Variants in GRIA4 observed in about 807,000 individuals in gnomAD.
GRIA4 encodes glutamate ionotropic receptor AMPA type subunit 4, also known as glutamate receptor 4.
In GRIA4, 34 loss-of-function variants were observed where a neutral mutation model predicts 104.0. The ratio of observed to expected loss-of-function variants is 0.33; its 90% CI spans 0.25 to 0.44. The LOEUF (loss-of-function observed/expected upper bound fraction) is 0.44. Ranked by LOEUF, GRIA4 falls within the 20% of genes least tolerant of loss-of-function variation. The pLI is 1.00. For synonymous variants in GRIA4, 386 were observed against 381.9 expected (o/e 1.01, Z -0.13); for missense variants, 750 against 1,096.5 (o/e 0.68, Z 4.46).
chr11:105,974,762 G>A (rs1474142738), intron 16 of GRIA4: 3 of 488,774 alleles, frequency 6.1e-6, no homozygotes, highest in Non-Finnish European at 1.1e-5. Flanking sequence ...CATTGCAAGG[G>A]TCAGAAAGAT....
Position 105,979,933 on chromosome 11 carries a change from G to T in GRIA4, c.*194G>T. On this transcript the variant is annotated 3_prime_UTR_variant, in exon 17 of 17. Coordinates refer to ENST00000282499, the MANE Select transcript of GRIA4 (RefSeq NM_000829.4). ...AGCTCAGCTCGGAAACCCAAACTCAGATTTTATATCAGGAAAACTCACAAT... is the reference window on the plus strand; with the variant it reads ...AGCTCAGCTCGGAAACCCAAACTCATATTTTATATCAGGAAAACTCACAAT... 120 of 379,952 alleles carry T rather than the reference G, an allele frequency of 3.2e-4. No homozygotes were observed. Among genetic ancestry groups the T allele is most frequent in the Non-Finnish European group, 4.3e-4 (88 of 202,934 alleles). 23.5% of individuals were successfully genotyped at this position (379,952 alleles called of 1,614,324 possible).
chr11:105,727,127 T>C (rs1938261838), intron 3 of GRIA4, among the ~76,000 whole-genome samples: 1 of 151,860 alleles, frequency 6.6e-6, no homozygotes, highest in Admixed American at 6.6e-5. Context: ...GGAAGGAAGC[T>C]AAGAACTTGG....
At position 105,907,436 on chromosome 11, in the gene GRIA4, T is replaced by G. The variant is rs561355844; in HGVS notation, c.1158+2135T>G. ...GAAACTAGGCAATGTGTCTGAGAAG[T>G]GAGCAATCATTCTTGTAAATTGAAC... On this transcript the variant is annotated intron_variant, in intron 9 of 16. Coordinates refer to ENST00000282499, the MANE Select transcript of GRIA4 (RefSeq NM_000829.4). Among the ~76,000 whole-genome samples the G allele has an allele frequency of 2.0e-5, 3 of 152,310 alleles. No homozygotes were observed. In the East Asian group the frequency reaches 5.8e-4, roughly 29 times the overall value.
At chr11:105,769,544 C>T (rs956314911) in intron 4 of GRIA4, among the ~76,000 whole-genome samples, 20 of 151,968 alleles carry the variant, frequency 1.3e-4, no homozygotes, top group African/African-American at 4.8e-4. Context: ...GTTTGGGACA[C>T]TTGAGAACAG....
chr11:105,910,354 A>G (rs558478773), intron 9 of GRIA4, 81 bp from the exon 10 acceptor site: 1 of 710,096 alleles, frequency 1.4e-6, no homozygotes, highest in African/African-American at 1.8e-5. Flanking sequence ...TTGCTTACCT[A>G]TTCATACCCT....
At chr11:105,949,389 G>A (rs1948407213) in intron 14 of GRIA4, among the ~76,000 whole-genome samples, 1 of 152,108 alleles carries the variant, frequency 6.6e-6, no homozygotes, top group African/African-American at 2.4e-5. Flanking sequence ...TTAATTCACT[G>A]TTATATCACT....
chr11:105,832,342 C>T (rs1944006933), intron 4 of GRIA4, among the ~76,000 whole-genome samples: 1 of 151,554 alleles, frequency 6.6e-6, no homozygotes, highest in Admixed American at 6.6e-5. Context: ...GAGGGTCTCC[C>T]AGAGACAAGG....
rs5794415 is a variant in GRIA4, at chr11:105,644,437, C to CAA, written c.247+32019_247+32020dup. Among the ~76,000 whole-genome samples, 529 of 123,886 alleles carry CAA rather than the reference C, an allele frequency of 4.3e-3. 2 individuals carry two copies. The highest frequency in any genetic ancestry group is 0.012 in the African/African-American group (392 of 33,478). 81.3% of individuals were successfully genotyped at this position (123,886 alleles called of 152,430 possible). A position where few individuals can be genotyped will look rare whatever the true frequency, so the allele number is the denominator to read the frequency against. ...TGAAACCCTGTCTCTACTAAAGATA[C>CAA]AAAAAAAAAAAAAAAAATTAGCCTG... On this transcript the variant is annotated intron_variant, in intron 3 of 16. Coordinates refer to ENST00000282499, the MANE Select transcript of GRIA4 (RefSeq NM_000829.4).
chr11:105,933,704 T>A lies in GRIA4; in HGVS notation c.2047-18T>A. 2.0e-6 allele frequency: 3 copies of A among 1,515,894 alleles called. No homozygotes were observed. The highest frequency in any genetic ancestry group is 2.7e-6 in the Non-Finnish European group (3 of 1,118,760). The allele number at this position is 1,515,894 out of a possible 1,614,324, so 93.9% of individuals were successfully genotyped here. On this transcript the variant is annotated intron_variant, in intron 13 of 16. Transcript: ENST00000282499. Reference sequence around the variant, plus strand: ...TTCCCTTCTTTCCTGTATTTAATTTTATTTTAATTTCCTCCAGAGATCAAA... The same window carrying A: ...TTCCCTTCTTTCCTGTATTTAATTTAATTTTAATTTCCTCCAGAGATCAAA...
At chr11:105,667,958 T>C (rs1045129182) in intron 3 of GRIA4, among the ~76,000 whole-genome samples, 3 of 151,722 alleles carry the variant, frequency 2.0e-5, no homozygotes, top group Admixed American at 6.6e-5. Flanking sequence ...TTTTGAATCA[T>C]GTATAACAAG....
chr11:105,835,460 A>C (rs564681933), intron 4 of GRIA4, among the ~76,000 whole-genome samples: 7 of 152,214 alleles, frequency 4.6e-5, no homozygotes, highest in Admixed American at 3.3e-4. Context: ...ACAAATAACA[A>C]ATTAAGCTGT....
At chr11:105,751,599 C>A (rs1354043762) in intron 3 of GRIA4, among the ~76,000 whole-genome samples, 2 of 152,062 alleles carry the variant, frequency 1.3e-5, no homozygotes, top group African/African-American at 4.8e-5. Context: ...GATAGAATTT[C>A]TTTATAAACC....
At chr11:105,877,136 G>C (rs1250899258) in intron 5 of GRIA4, among the ~76,000 whole-genome samples, 1 of 152,170 alleles carries the variant, frequency 6.6e-6, no homozygotes, top group African/African-American at 2.4e-5. Context: ...TTGCTTGTCT[G>C]TAAAGGATTT....
chr11:105,869,993 T>C (rs1015780606), intron 5 of GRIA4, among the ~76,000 whole-genome samples: 13 of 152,090 alleles, frequency 8.5e-5, no homozygotes, highest in East Asian at 1.9e-4. Flanking sequence ...GAAAGACAGT[T>C]TAAGATTGGA....
At chr11:105,699,587 C>T (rs937879866) in intron 3 of GRIA4, among the ~76,000 whole-genome samples, 6 of 152,070 alleles carry the variant, frequency 3.9e-5, no homozygotes, top group African/African-American at 1.2e-4. Context: ...TCCTGTATTA[C>T]GATGTAAGTT....
chr11:105,828,034 G>C (rs1481922413), intron 4 of GRIA4, among the ~76,000 whole-genome samples: 2 of 151,958 alleles, frequency 1.3e-5, no homozygotes, highest in Non-Finnish European at 2.9e-5. Context: ...AGTTTTTTCA[G>C]TAGAATTTTT....
chr11:105,839,444 CTTT>C (rs5794431), intron 4 of GRIA4, among the ~76,000 whole-genome samples: 1 of 140,232 alleles, frequency 7.1e-6, no homozygotes. Flanking sequence ...CAGTGACTTC[CTTT>C]TTTTTTTTTT....
At chr11:105,643,198 C>A (rs1951421954) in intron 3 of GRIA4, among the ~76,000 whole-genome samples, 1 of 152,102 alleles carries the variant, frequency 6.6e-6, no homozygotes, top group Non-Finnish European at 1.5e-5. Context: ...CAAACCAAAT[C>A]AAACATCTCA....
rs755869060 is a variant in GRIA4 at position 105,926,975 on chromosome 11, T to A, written c.2046+36T>A. 3 of 1,453,974 alleles carry A rather than the reference T, an allele frequency of 2.1e-6. No homozygotes were observed. In the East Asian group the frequency reaches 7.0e-5, roughly 34 times the overall value. 90.1% of individuals were successfully genotyped at this position (1,453,974 alleles called of 1,614,324 possible). A position where few individuals can be genotyped will look rare whatever the true frequency, so the allele number is the denominator to read the frequency against. On this transcript the variant is annotated intron_variant, in intron 13 of 16. Transcript: ENST00000282499. ...GGAAAAACTAAAAATGAAATGTTTA[T>A]CATTTTGAAATTCAGGCAATTTTTC...
Sources: allele counts gnomAD v4.1 joint callset (sites outside exome capture counted in the v4.1 genomes callset), GRCh38; gene constraint gnomAD v4.1.1; transcripts MANE v1.5; gene names NCBI Gene and HGNC (gene_info 2026-07-23, HGNC 2026-07-21).